Variants in RERE observed in about 807,000 individuals in gnomAD.
RERE encodes the protein arginine-glutamic acid dipeptide repeats, also known as arginine-glutamic acid dipeptide repeats protein.
In RERE, 40 loss-of-function variants were observed where a neutral mutation model predicts 146.1. That is an observed-to-expected ratio of 0.27 (90% CI 0.21 to 0.36). RERE has a LOEUF of 0.36. RERE is among the 10% of genes least tolerant of loss of function. The probability of loss-of-function intolerance (pLI) is 1.00; values close to 1 mark genes in which losing one functional copy is unlikely to be tolerated. For synonymous variants in RERE, 1,003 were observed against 866.0 expected (o/e 1.16, Z -2.78); for missense variants, 1,933 against 2,138.7 (o/e 0.90, Z 1.90).
At chr1:8,703,896 T>G (rs1387454538) in intron 1 of RERE, among the ~76,000 whole-genome samples, 7 of 152,220 alleles carry the variant, frequency 4.6e-5, no homozygotes, top group Non-Finnish European at 8.8e-5. Flanking sequence ...TGACCCCAGT[T>G]TTCCTTACAC....
chr1:8,491,616 T>TCAAA (rs1026367003), intron 10 of RERE, among the ~76,000 whole-genome samples: 17 of 152,074 alleles, frequency 1.1e-4, no homozygotes, highest in African/African-American at 4.1e-4. Context: ...AGATCCTGCC[T>TCAAA]CAAACAAACA....
intron 4 of RERE, among the ~76,000 whole-genome samples, chr1:8,607,080 G>A (rs867938491): frequency 6.6e-6 from 1 of 152,114 alleles, no homozygotes; most frequent in South Asian, 2.1e-4. Context: ...GATATTGCCG[G>A]CCAGACGCAG....
At chr1:8,502,540 G>A (rs1046287333) in intron 8 of RERE, among the ~76,000 whole-genome samples, 1 of 140,980 alleles carries the variant, frequency 7.1e-6, no homozygotes, top group Non-Finnish European at 1.5e-5. Context: ...GCCCCTACTG[G>A]GAAGTGAGGA....
intron 1 of RERE, chr1:8,796,598 A>G (rs1294008799): frequency 6.6e-6 from 1 of 152,104 alleles, no homozygotes; most frequent in South Asian, 2.1e-4. Context: ...CAGCAGTGAG[A>G]AGAGGGAAAG....
chr1:8,402,503 T>C (rs1643296316), intron 12 of RERE, among the ~76,000 whole-genome samples: 2 of 152,176 alleles, frequency 1.3e-5, no homozygotes, highest in African/African-American at 2.4e-5. Context: ...GTTGATATGG[T>C]ATGTCATGCA....
At chr1:8,798,614 G>A in intron 1 of RERE, 1 of 220,662 alleles carries the variant, frequency 4.5e-6, no homozygotes. Flanking sequence ...TCTGGTGGCT[G>A]GATTTGACCA....
chr1:8,714,881 A>AT (rs911380281), intron 1 of RERE, among the ~76,000 whole-genome samples: 101 of 148,762 alleles, frequency 6.8e-4, no homozygotes, highest in African/African-American at 2.1e-3. Flanking sequence ...TCATACCACA[A>AT]TTTTTTTTTT....
intron 12 of RERE, among the ~76,000 whole-genome samples, chr1:8,416,882 CAA>C (rs1446859096): frequency 6.6e-6 from 1 of 152,108 alleles, no homozygotes; most frequent in Non-Finnish European, 1.5e-5. Context: ...GATTCTGGCT[CAA>C]GAGACAAGGA....
At chr1:8,748,516 ACAAGCTTTGTGCTCCAACG>A (rs1475496986) in intron 1 of RERE, among the ~76,000 whole-genome samples, 1 of 152,180 alleles carries the variant, frequency 6.6e-6, no homozygotes, top group Non-Finnish European at 1.5e-5. Context: ...AGTTCCAAAC[ACAAGCTTTGTGCTCCAACG>A]CAAGTATATG....
intron 2 of RERE, among the ~76,000 whole-genome samples, chr1:8,642,329 T>C (rs1647191475): frequency 6.6e-6 from 1 of 152,210 alleles, no homozygotes; most frequent in Non-Finnish European, 1.5e-5. Context: ...CTACTCCACG[T>C]TAACCCACCA....
At chr1:8,552,709 C>A (rs189189034) in intron 6 of RERE, among the ~76,000 whole-genome samples, 32 of 152,350 alleles carry the variant, frequency 2.1e-4, no homozygotes, top group Non-Finnish European at 7.3e-5. Flanking sequence ...TGCTGGGGGG[C>A]ACTGCCATCC....
chr1:8,658,413 A>C lies in RERE; in HGVS notation c.-144-1972T>G, dbSNP rs139589236. 3.3e-5 allele frequency among the ~76,000 whole-genome samples: 5 copies of C among 152,350 alleles called. No homozygotes were observed. In the East Asian group the frequency reaches 9.6e-4, roughly 29 times the overall value. On this transcript the variant is annotated intron_variant, in intron 1 of 22. Transcript: ENST00000400908. The stretch of plus-strand genomic sequence containing the variant: ...ACAAAAGATTGGTCCTCTTTACTTG[A>C]CAACCACAAACAAATCAGTTTGCAG...
At chr1:8,650,585 A>C (rs984024079) in intron 2 of RERE, among the ~76,000 whole-genome samples, 9 of 152,142 alleles carry the variant, frequency 5.9e-5, no homozygotes, top group Non-Finnish European at 1.2e-4. Context: ...CAATGTGGTA[A>C]AACCCTGTCT....
At chr1:8,807,622 T>C (rs532364482) in intron 1 of RERE, among the ~76,000 whole-genome samples, 6 of 152,162 alleles carry the variant, frequency 3.9e-5, no homozygotes, top group African/African-American at 1.2e-4. Context: ...ACAGTACTGA[T>C]TGAACCCTGT....
chr1:8,423,719 G>C lies in RERE; in HGVS notation c.1204-912C>G, dbSNP rs1342894757. ...GGGTGGCTCGGCGTGTGACCGCGGC[G>C]GGGCCGCGCGGCGCGGGGCCCGGGG... is the stretch of plus-strand genomic sequence containing the variant. On this transcript the variant is annotated intron_variant, in intron 11 of 22. Transcript: ENST00000400908. The surrounding 1 kb of genome is among the most constrained non-coding windows in gnomAD (Gnocchi z 5.4). 5 of 979,298 alleles carry C rather than the reference G, an allele frequency of 5.1e-6. No individual in the cohort carries two copies. Among genetic ancestry groups the C allele is most frequent in the Non-Finnish European group, 4.8e-6 (4 of 827,100 alleles). The allele number at this position is 979,298 out of a possible 1,614,324, so 60.7% of individuals were successfully genotyped here.
intron 12 of RERE, among the ~76,000 whole-genome samples, chr1:8,372,543 T>TGTGTGTG (rs6143112): frequency 1.9e-4 from 29 of 150,700 alleles, no homozygotes; most frequent in Admixed American, 3.3e-4. Context: ...TGTGTGTGTG[T>TGTGTGTG]TTTAAATTAA....
intron 1 of RERE, among the ~76,000 whole-genome samples, chr1:8,715,165 C>T (rs1009237675): frequency 6.6e-6 from 1 of 151,878 alleles, no homozygotes; most frequent in African/African-American, 2.4e-5. Flanking sequence ...AGCCACCACG[C>T]CCAGCCCACA....
At chr1:8,589,527 T>G (rs1646467520) in intron 4 of RERE, among the ~76,000 whole-genome samples, 1 of 152,214 alleles carries the variant, frequency 6.6e-6, no homozygotes, top group Non-Finnish European at 1.5e-5. Context: ...ACTCACATTT[T>G]TATTTATTTT....
intron 1 of RERE, among the ~76,000 whole-genome samples, chr1:8,760,878 C>T (rs1384632432): frequency 6.6e-6 from 1 of 152,190 alleles, no homozygotes; most frequent in Admixed American, 6.5e-5. Flanking sequence ...ATTTATGGAG[C>T]ACTTCTTATG....
Sources: allele counts gnomAD v4.1 joint callset (sites outside exome capture counted in the v4.1 genomes callset), GRCh38; gene constraint gnomAD v4.1.1; non-coding constraint Gnocchi (gnomAD v3.1); transcripts MANE v1.5; gene names NCBI Gene and HGNC (gene_info 2026-07-23, HGNC 2026-07-21).